TIAM2: variants seen among roughly 807,000 people sequenced by gnomAD.
The protein encoded by TIAM2 is rho guanine nucleotide exchange factor TIAM2.
Under a neutral mutation model 152.9 loss-of-function variants are expected in TIAM2, and 80 were observed. The observed-to-expected ratio is 0.52, with a 90% CI of 0.44 to 0.63. The LOEUF is 0.63. TIAM2 is among the 30% of genes least tolerant of loss of function. The probability of loss-of-function intolerance (pLI) is 0.00; values close to 1 mark genes in which losing one functional copy is unlikely to be tolerated. For missense variants in TIAM2, 1,965 were observed against 2,120.1 expected, an observed-to-expected ratio of 0.93 and a Z score of 1.44; for synonymous variants, 804 against 838.0, an observed-to-expected ratio of 0.96 and a Z score of 0.70.
intron 15 of TIAM2, among the ~76,000 whole-genome samples, chr6:155,215,749 C>A (rs1583254734): frequency 1.5e-5 from 2 of 130,954 alleles, no homozygotes; most frequent in Admixed American, 1.6e-4. Flanking sequence ...TTTTTGGAAA[C>A]ATCGTGTTAT....
intron 2 of TIAM2, among the ~76,000 whole-genome samples, chr6:155,106,269 TGCTGG>T (rs1778687216): frequency 6.6e-6 from 1 of 152,132 alleles, no homozygotes; most frequent in East Asian, 1.9e-4. Context: ...CCTCCCAACG[TGCTGG>T]GATTATAGGC....
At chr6:155,226,147 C>T (rs1782232985) in intron 15 of TIAM2, among the ~76,000 whole-genome samples, 1 of 152,072 alleles carries the variant, frequency 6.6e-6, no homozygotes, top group Admixed American at 6.5e-5. Flanking sequence ...ATCATAGCAC[C>T]TGGACCCTGT....
At chr6:155,105,340 G>A (rs1162766481) in intron 2 of TIAM2, among the ~76,000 whole-genome samples, 6 of 150,330 alleles carry the variant, frequency 4.0e-5, no homozygotes, top group South Asian at 2.1e-4. Context: ...TAGTAGAGAC[G>A]AGGTTTCACT....
At chr6:155,038,731 G>A (rs1776966142) in intron 1 of TIAM2, among the ~76,000 whole-genome samples, 2 of 152,118 alleles carry the variant, frequency 1.3e-5, no homozygotes, top group Admixed American at 1.3e-4. Flanking sequence ...CCAGAAATTC[G>A]AGACCAGCCT....
At chr6:155,038,646 GGCCTGGCTGGGTGCAGTGGCTCAT>G (rs1325908789) in intron 1 of TIAM2, among the ~76,000 whole-genome samples, 1 of 152,166 alleles carries the variant, frequency 6.6e-6, no homozygotes, top group East Asian at 1.9e-4. Context: ...ATGAAGAGTA[GGCCTGGCTGGGTGCAGTGGCTCAT>G]GCCTGTAATT....
At chr6:155,182,777 G>GA (rs1273280567) in intron 13 of TIAM2, among the ~76,000 whole-genome samples, 1 of 152,158 alleles carries the variant, frequency 6.6e-6, no homozygotes, top group Middle Eastern at 3.2e-3. Context: ...GGGAACACTA[G>GA]AAAAAACAAC....
chr6:155,064,122 A>G (rs1777641702), intron 1 of TIAM2, among the ~76,000 whole-genome samples: 1 of 152,164 alleles, frequency 6.6e-6, no homozygotes, highest in Non-Finnish European at 1.5e-5. Context: ...ATTTTGAATG[A>G]TTAAGTTGAT....
At chr6:155,128,788 C>T (rs917205400) in intron 3 of TIAM2, among the ~76,000 whole-genome samples, 22 of 151,770 alleles carry the variant, frequency 1.4e-4, no homozygotes, top group Non-Finnish European at 2.9e-5. Context: ...ATCACTTGAG[C>T]CTAGGAAGTC....
chr6:155,097,954 T>C (rs1415137665), intron 2 of TIAM2, among the ~76,000 whole-genome samples: 1 of 152,220 alleles, frequency 6.6e-6, no homozygotes, highest in Admixed American at 6.5e-5. Flanking sequence ...TTGTCAAAGA[T>C]GAGTTGGTTA....
At chr6:155,056,696 G>C (rs922187824) in intron 1 of TIAM2, among the ~76,000 whole-genome samples, 2 of 152,034 alleles carry the variant, frequency 1.3e-5, no homozygotes, top group Admixed American at 6.6e-5. Context: ...AGTATAAAGA[G>C]TTTCTGTATG....
At chr6:155,010,954 G>A (rs916942799) in intron 1 of TIAM2, among the ~76,000 whole-genome samples, 2 of 151,746 alleles carry the variant, frequency 1.3e-5, no homozygotes, top group African/African-American at 4.8e-5. Context: ...TGAGGCAGGA[G>A]AATCGCTTGA....
chr6:155,237,335 G>A (rs1782818934), intron 15 of TIAM2, among the ~76,000 whole-genome samples: 1 of 152,254 alleles, frequency 6.6e-6, no homozygotes, highest in South Asian at 2.1e-4. Context: ...GGCTTTAAAG[G>A]ATATAGCCTC....
intron 19 of TIAM2, 66 bp from the exon 20 acceptor site, chr6:155,247,934 A>G (rs1388036565): frequency 3.9e-6 from 6 of 1,527,038 alleles, no homozygotes; most frequent in Non-Finnish European, 4.4e-6. Context: ...AAATGTTAAA[A>G]GAGAAATGAA....
chr6:155,122,712 C>G (rs1183946017), intron 2 of TIAM2, among the ~76,000 whole-genome samples: 1 of 152,130 alleles, frequency 6.6e-6, no homozygotes, highest in Non-Finnish European at 1.5e-5. Context: ...TACGTCTCTA[C>G]CAGCCCTGGG....
chr6:155,169,977 G>C (rs1297724066), intron 9 of TIAM2, among the ~76,000 whole-genome samples: 1 of 151,936 alleles, frequency 6.6e-6, no homozygotes, highest in Non-Finnish European at 1.5e-5. Flanking sequence ...TGCCACCAAG[G>C]CTGGCTAATT....
intron 1 of TIAM2, among the ~76,000 whole-genome samples, chr6:155,012,795 C>G (rs1778511240): frequency 2.0e-5 from 3 of 152,210 alleles, no homozygotes; most frequent in Non-Finnish European, 4.4e-5. Flanking sequence ...AAGTGATCCG[C>G]CCTACTCGGG....
At chr6:155,021,413 C>T (rs1178085332) in intron 1 of TIAM2, among the ~76,000 whole-genome samples, 1 of 152,082 alleles carries the variant, frequency 6.6e-6, no homozygotes, top group Non-Finnish European at 1.5e-5. Context: ...AGACGCCTGC[C>T]ACCGTGCCCG....
intron 7 of TIAM2, among the ~76,000 whole-genome samples, chr6:155,159,402 G>A (rs1300585177): frequency 6.6e-6 from 1 of 152,088 alleles, no homozygotes; most frequent in Non-Finnish European, 1.5e-5. Context: ...CAGGGGCCCC[G>A]TTATAGCTAC....
chr6:155,241,268 C>A (rs151164358), intron 16 of TIAM2, among the ~76,000 whole-genome samples: 45 of 152,324 alleles, frequency 3.0e-4, no homozygotes, highest in African/African-American at 1.0e-3. Flanking sequence ...CATAAGCCCC[C>A]AGTCAGTGGT....
Sources: allele counts gnomAD v4.1 joint callset (sites outside exome capture counted in the v4.1 genomes callset), GRCh38; gene constraint gnomAD v4.1.1; transcripts MANE v1.5; gene names NCBI Gene and HGNC (gene_info 2026-07-23, HGNC 2026-07-21).